The following SCFD2 variants were observed in gnomAD, a reference collection of about 807,000 sequenced individuals.
SCFD2 encodes sec1 family domain containing 2.
A neutral mutation model predicts 58.9 loss-of-function variants in SCFD2; 54 were observed. The observed-to-expected ratio is 0.92, with a 90% CI of 0.74 to 1.15. The LOEUF is 1.15. Among genes scored for constraint, SCFD2 ranks in the 50% most tolerant of loss-of-function variants. SCFD2 has a pLI of 0.00. For missense variants in SCFD2, 805 were observed against 836.6 expected, an observed-to-expected ratio of 0.96 and a Z score of 0.47; for synonymous variants, 321 against 335.9, an observed-to-expected ratio of 0.96 and a Z score of 0.49.
At chr4:52,926,353 C>A (rs1313476939) in intron 5 of SCFD2, among the ~76,000 whole-genome samples, 1 of 151,884 alleles carries the variant, frequency 6.6e-6, no homozygotes, top group Non-Finnish European at 1.5e-5. Flanking sequence ...CTGAAGTAGC[C>A]CTTACCTGAG....
At chr4:52,947,372 CA>C (rs1055652996) in intron 5 of SCFD2, among the ~76,000 whole-genome samples, 3 of 152,052 alleles carry the variant, frequency 2.0e-5, no homozygotes, top group African/African-American at 7.2e-5. Context: ...GTAAAAATAC[CA>C]ATTCTCTACA....
intron 5 of SCFD2, among the ~76,000 whole-genome samples, chr4:52,971,381 G>A (rs301107): frequency 0.028 from 4,208 of 152,124 alleles, 211 homozygotes; most frequent in African/African-American, 0.097. Context: ...CACAAGCCTC[G>A]TAGCTGATTC....
intron 5 of SCFD2, among the ~76,000 whole-genome samples, chr4:53,044,858 A>G (rs865981187): frequency 5.4e-5 from 8 of 148,588 alleles, no homozygotes; most frequent in African/African-American, 2.1e-4. Flanking sequence ...GTCTGCACAT[A>G]AACTGTATCC....
intron 5 of SCFD2, among the ~76,000 whole-genome samples, chr4:52,970,238 T>A (rs1299688898): frequency 6.6e-6 from 1 of 152,170 alleles, no homozygotes; most frequent in Non-Finnish European, 1.5e-5. Flanking sequence ...ACCCGGTAAG[T>A]GCAAGGGGTC....
At chr4:53,318,456 A>T (rs1220738781) in intron 2 of SCFD2, among the ~76,000 whole-genome samples, 6 of 152,204 alleles carry the variant, frequency 3.9e-5, no homozygotes, top group Admixed American at 3.9e-4. Flanking sequence ...GATATTAATC[A>T]TCTTTATATC....
At chr4:52,975,118 T>C (rs1352806112) in intron 5 of SCFD2, among the ~76,000 whole-genome samples, 1 of 152,144 alleles carries the variant, frequency 6.6e-6, no homozygotes, top group East Asian at 1.9e-4. Context: ...GGGCAAGGAC[T>C]TCATGTCTAA....
At chr4:53,045,886 C>T (rs1044459212) in intron 5 of SCFD2, among the ~76,000 whole-genome samples, 21 of 152,056 alleles carry the variant, frequency 1.4e-4, no homozygotes, top group African/African-American at 5.1e-4. Context: ...TAGTTATAAT[C>T]TAACTTCTTA....
chr4:52,951,606 GC>G (rs1163215071), intron 5 of SCFD2, among the ~76,000 whole-genome samples: 1 of 152,130 alleles, frequency 6.6e-6, no homozygotes. Flanking sequence ...TAATTTTCCA[GC>G]CCCCTAGCAG....
intron 5 of SCFD2, among the ~76,000 whole-genome samples, chr4:52,952,551 A>G (rs1292209829): frequency 1.3e-5 from 2 of 152,216 alleles, no homozygotes; most frequent in East Asian, 1.9e-4. Context: ...AATAGTAAAC[A>G]TAAGCTTTAA....
In SCFD2 at chr4:53,218,337, A is replaced by T. The variant is rs192496667; in HGVS notation, c.1311+55489T>A. On this transcript the variant is annotated intron_variant, in intron 4 of 8. Transcript: ENST00000401642. ...CCCATATTTCTTGGAAGCTGTGTTC[A>T]TTTCTTTTTACTCTTTTTTCTCTAA... Among the ~76,000 whole-genome samples, 633 of 152,208 alleles carry T rather than the reference A, an allele frequency of 4.2e-3. 3 individuals are homozygous for T. Among genetic ancestry groups the T allele is most frequent in the African/African-American group, 0.015 (611 of 41,534 alleles).
At chr4:53,050,903 G>A (rs28520675) in intron 5 of SCFD2, among the ~76,000 whole-genome samples, 5,441 of 152,120 alleles carry the variant, frequency 0.036, 316 homozygotes, top group African/African-American at 0.12. Flanking sequence ...ATTTCCTGTC[G>A]TCTGTCAGGT....
intron 4 of SCFD2, among the ~76,000 whole-genome samples, chr4:53,220,609 C>T (rs1729020198): frequency 6.6e-6 from 1 of 152,162 alleles, no homozygotes; most frequent in South Asian, 2.1e-4. Context: ...TGTACACATA[C>T]ACATAGACAC....
intron 5 of SCFD2, among the ~76,000 whole-genome samples, chr4:52,988,178 A>G (rs1721540883): frequency 6.6e-6 from 1 of 152,238 alleles, no homozygotes; most frequent in South Asian, 2.1e-4. Flanking sequence ...TGCAGCACAC[A>G]GAAGCTGGGA....
chr4:52,908,222 G>C (rs1253459683), intron 6 of SCFD2, among the ~76,000 whole-genome samples: 2 of 152,238 alleles, frequency 1.3e-5, no homozygotes, highest in East Asian at 3.8e-4. Context: ...AACTTCTACA[G>C]TTTGATAAAT....
At chr4:53,094,254 T>C (rs1724554218) in intron 5 of SCFD2, among the ~76,000 whole-genome samples, 1 of 152,118 alleles carries the variant, frequency 6.6e-6, no homozygotes, top group Non-Finnish European at 1.5e-5. Flanking sequence ...TTGCTACGGA[T>C]GCCATAACAA....
At chr4:53,212,460 A>G (rs1728644871) in intron 4 of SCFD2, among the ~76,000 whole-genome samples, 1 of 102,184 alleles carries the variant, frequency 9.8e-6, no homozygotes. Flanking sequence ...ATCCAAATTA[A>G]AAGAAAGCAA....
At chr4:53,060,895 T>A (rs1217650679) in intron 5 of SCFD2, among the ~76,000 whole-genome samples, 1 of 152,176 alleles carries the variant, frequency 6.6e-6, no homozygotes, top group Non-Finnish European at 1.5e-5. Context: ...GAGGTCTAGA[T>A]GATCATAAAG....
At chr4:53,125,767 A>T (rs1442168551) in intron 5 of SCFD2, among the ~76,000 whole-genome samples, 1 of 152,270 alleles carries the variant, frequency 6.6e-6, no homozygotes, top group Non-Finnish European at 1.5e-5. Flanking sequence ...GCTGTAACTT[A>T]GAACTGCCAA....
chr4:53,301,340 G>C (rs1245469558), intron 3 of SCFD2, among the ~76,000 whole-genome samples: 2 of 152,150 alleles, frequency 1.3e-5, no homozygotes, highest in Admixed American at 6.5e-5. Context: ...AAATAAACTA[G>C]AAAATCTAGA....
Sources: gnomAD v4.1 joint callset for allele counts (sites outside exome capture counted in the v4.1 genomes callset) on GRCh38, gnomAD v4.1.1 for gene constraint, MANE v1.5 for transcripts, NCBI Gene and HGNC (gene_info 2026-07-23, HGNC 2026-07-21) for gene names.